Variants in SLC4A2 observed in about 807,000 individuals in gnomAD.
SLC4A2 encodes solute carrier family 4 member 2, also known as anion exchange protein 2.
A neutral mutation model predicts 115.0 loss-of-function variants in SLC4A2; 36 were observed. That is an observed-to-expected ratio of 0.31 (90% CI 0.24 to 0.41). The LOEUF (loss-of-function observed/expected upper bound fraction) is 0.41. Ranked by LOEUF, SLC4A2 falls within the 10% of genes least tolerant of loss-of-function variation. The pLI is 1.00. For synonymous variants in SLC4A2, 708 were observed against 708.3 expected (o/e 1.00, Z 0.01); for missense variants, 1,252 against 1,705.6 (o/e 0.73, Z 4.68).
chr7:151,070,416 GGAGGGGCCTGGCTGGGCTGAGCCCT>G lies in SLC4A2; in HGVS notation c.1450-39_1450-15del, dbSNP rs1466346162. 1 of 1,611,670 alleles carries G rather than the reference GGAGGGGCCTGGCTGGGCTGAGCCCT, an allele frequency of 6.2e-7. No individual in the cohort carries two copies. Among genetic ancestry groups the G allele is most frequent in the Admixed American group, 1.7e-5 (1 of 59,772 alleles). On this transcript the variant is annotated splice_polypyrimidine_tract_variant and intron_variant, in intron 10 of 22. Transcript: ENST00000413384. ...GAAGCCTGGGTGTGGACTCAGAGTGGGAGGGGCCTGGCTGGGCTGAGCCCTGTCTGTGTCCCCCAGCGTGAGCTGC... is the reference window on the plus strand; with the variant it reads ...GAAGCCTGGGTGTGGACTCAGAGTGGGTCTGTGTCCCCCAGCGTGAGCTGC...
Position 151,069,085 on chromosome 7 carries a change from G to A in SLC4A2, c.1148-862G>A, listed in dbSNP as rs574498625. 1.5e-4 allele frequency among the ~76,000 whole-genome samples: 20 copies of A among 134,326 alleles called. No homozygotes were observed. In the South Asian group the frequency reaches 4.5e-3, roughly 30 times the overall value. 88.1% of individuals were successfully genotyped at this position (134,326 alleles called of 152,430 possible). A position where few individuals can be genotyped will look rare whatever the true frequency, so the allele number is the denominator to read the frequency against. On this transcript the variant is annotated intron_variant, in intron 8 of 22. Transcript: ENST00000413384. ...ACCTGGGAGGTAGAGCTTGCAGTGA[G>A]CCAAGATCATGCCATTGCGCTCCAG...
At chr7:151,062,772 AG>A in intron 2 of SLC4A2, 1 of 1,366,752 alleles carries the variant, frequency 7.3e-7, no homozygotes, top group Non-Finnish European at 9.4e-7. Context: ...CTGGGCGCTT[AG>A]GGGAGCCAGG....
intron 2 of SLC4A2, chr7:151,063,176 GCA>G: frequency 7.1e-7 from 1 of 1,405,206 alleles, no homozygotes; most frequent in Non-Finnish European, 9.4e-7. Context: ...CTCCGCGCCC[GCA>G]GGATGACTCA....
intron 16 of SLC4A2, 42 bp from the exon 17 acceptor site, chr7:151,073,997 T>C: frequency 6.6e-7 from 1 of 1,521,022 alleles, no homozygotes; most frequent in Non-Finnish European, 8.8e-7. Flanking sequence ...GAATCTTTTC[T>C]GCAGTCCAGC....
Position 151,071,865 on chromosome 7 carries a change from C to A in SLC4A2, c.2340+28C>A, listed in dbSNP as rs1797452440. 1 of 1,600,638 alleles carries A rather than the reference C, an allele frequency of 6.2e-7. No homozygotes were observed. Among genetic ancestry groups the A allele is most frequent in the Non-Finnish European group, 8.5e-7 (1 of 1,172,390 alleles). Reference sequence around the variant, plus strand: ...GAGGGCTCTTCTCGCCCATCTCCAGCCGCCCCTCCCGTGCCCTAGACACCT... The same window carrying A: ...GAGGGCTCTTCTCGCCCATCTCCAGACGCCCCTCCCGTGCCCTAGACACCT... On this transcript the variant is annotated intron_variant, in intron 15 of 22. Coordinates refer to ENST00000413384, the MANE Select transcript of SLC4A2 (RefSeq NM_003040.4). This position sits in a 1 kb window ranked among gnomAD's most constrained non-coding sequence, Gnocchi z 5.5.
In SLC4A2 at chr7:151,074,251, C is replaced by T. The variant is rs1444025206; in HGVS notation, c.2748C>T (p.Phe916=). Residue 916 remains phenylalanine (F), a synonymous_variant, in exon 17 of 23, where the codon TTC becomes TTT. Transcript: ENST00000413384. The part of the protein sequence containing the change: ...VLMAGTFFIA[F]FLRKFKNSRF... Reference sequence around the variant, plus strand: ...TGGCCGGCACCTTCTTCATCGCCTTCTTCCTGCGCAAATTCAAGAACAGCC... The same window carrying T: ...TGGCCGGCACCTTCTTCATCGCCTTTTTCCTGCGCAAATTCAAGAACAGCC... The T allele has an allele frequency of 3.7e-6, 6 of 1,612,106 alleles. No homozygotes were observed. Among genetic ancestry groups the T allele is most frequent in the African/African-American group, 2.7e-5 (2 of 74,948 alleles).
chr7:151,071,347 G>A lies in SLC4A2; in HGVS notation c.1976-43G>A, dbSNP rs762474030. The A allele has an allele frequency of 1.3e-6, 2 of 1,549,918 alleles. No homozygotes were observed. Among genetic ancestry groups the A allele is most frequent in the Admixed American group, 1.9e-5 (1 of 52,864 alleles). On this transcript the variant is annotated intron_variant, in intron 13 of 22. Transcript: ENST00000413384. This position sits in a 1 kb window ranked among gnomAD's most constrained non-coding sequence, Gnocchi z 5.5. ...AGGGCTGCCTCGAGGGGGTGAGGTG[G>A]GCAAGAGGGGCTGGGGCGCCCTGAC...
At chr7:151,073,769 T>A (rs757765297) in intron 16 of SLC4A2, among the ~76,000 whole-genome samples, 2 of 152,166 alleles carry the variant, frequency 1.3e-5, no homozygotes, top group Non-Finnish European at 2.9e-5. Context: ...TCATGTCCTC[T>A]TCCTTTAGGC....
In SLC4A2 at chr7:151,064,786, C is replaced by T. The variant is rs1055540756; in HGVS notation, c.459+19C>T. 1.2e-6 allele frequency: 2 copies of T among 1,608,306 alleles called. No individual in the cohort carries two copies. Among genetic ancestry groups the T allele is most frequent in the African/African-American group, 1.3e-5 (1 of 74,814 alleles). ...GGTGCAGGTGCGCTGGGTGCGGGCT[C>T]CTAGGGCATGTCGGCAGGGCCCTGG... On this transcript the variant is annotated intron_variant, in intron 4 of 22. Transcript: ENST00000413384.
Position 151,064,693 on chromosome 7 carries a change from G to C in SLC4A2, c.385G>C (p.Asp129His). Residue 129 changes from aspartate to histidine, a missense_variant, in exon 4 of 23, where the codon GAT (aspartate) becomes CAT (histidine). By Grantham distance (81) the Asp-to-His change is moderately conservative. Around this residue, in one of 14 missense-constraint regions of SLC4A2, gnomAD observed 215 missense variants for 205.2 expected, o/e 1.05. Coordinates refer to ENST00000413384, the MANE Select transcript of SLC4A2 (RefSeq NM_003040.4). ...PTIEEGEEDE[D>H]EASEAEGARA... ...CATTGAGGAGGGGGAGGAAGATGAG[G>C]ATGAGGCCAGCGAGGCTGAGGGGGC... 5 of 1,613,752 alleles carry C rather than the reference G, an allele frequency of 3.1e-6. No individual in the cohort carries two copies. Among genetic ancestry groups the C allele is most frequent in the African/African-American group, 1.3e-5 (1 of 75,042 alleles).
At chr7:151,064,174 T>TAA (rs1797147735) in intron 2 of SLC4A2, 28 bp from the exon 3 acceptor site, 1 of 1,607,386 alleles carries the variant, frequency 6.2e-7, no homozygotes, top group African/African-American at 1.3e-5. Flanking sequence ...GAGCCCTGTG[T>TAA]GTTTTCTCTC....
rs1797395901 is a variant in SLC4A2 at position 151,070,471 on chromosome 7, T to A, written c.1464T>A (p.Pro488=). The part of the protein sequence containing the change: ...LEVERERELP[P]PAPPAGITRS... ...GTGTCCCCCAGCGTGAGCTGCCGCC[T>A]CCAGCACCACCAGCTGGCATCACCC... Residue 488 remains proline, a synonymous_variant, in exon 11 of 23, where the codon CCT becomes CCA. Coordinates refer to ENST00000413384, the MANE Select transcript of SLC4A2 (RefSeq NM_003040.4). 6.2e-7 allele frequency: 1 copy of A among 1,612,904 alleles called. No individual in the cohort carries two copies. The highest frequency in any genetic ancestry group is 8.5e-7 in the Non-Finnish European group (1 of 1,179,548).
Position 151,070,483 on chromosome 7 carries a change from A to G in SLC4A2, c.1476A>G (p.Pro492=). The change falls in exon 11 of 23, where the codon CCA becomes CCG. Residue 492 remains proline (P), a synonymous_variant. Coordinates refer to ENST00000413384, the MANE Select transcript of SLC4A2 (RefSeq NM_003040.4). ...RERELPPPAP[P]AGITRSKSKH... is the part of the protein sequence containing the mutation. ...GTGAGCTGCCGCCTCCAGCACCACC[A>G]GCTGGCATCACCCGCTCCAAGTCCA... 6.2e-7 allele frequency: 1 copy of G among 1,613,428 alleles called. No individual in the cohort carries two copies. Among genetic ancestry groups the G allele is most frequent in the South Asian group, 1.1e-5 (1 of 91,040 alleles).
chr7:151,062,460 T>G, intron 2 of SLC4A2: 43 of 393,810 alleles, frequency 1.1e-4, no homozygotes, highest in Non-Finnish European at 1.5e-4. Flanking sequence ...CGCCCCTCCC[T>G]GCCCCCACGT....
Position 151,062,118 on chromosome 7 carries a change from A to T in SLC4A2, c.51+80A>T, listed in dbSNP as rs187418808. ...GTGCTCCGGCCAAGGGTCCTCGCCA[A>T]CCAGGGGTGTGAGCGTGTGTGAGTG... On this transcript the variant is annotated intron_variant, in intron 2 of 22. Coordinates refer to ENST00000413384, the MANE Select transcript of SLC4A2 (RefSeq NM_003040.4). 1.1e-3 allele frequency: 1,312 copies of T among 1,157,070 alleles called. 28 individuals carry two copies. In the East Asian group the frequency reaches 0.026, roughly 23 times the overall value. 71.7% of individuals were successfully genotyped at this position (1,157,070 alleles called of 1,614,324 possible).
At position 151,070,752 on chromosome 7, in the gene SLC4A2, C is replaced by T. The variant is rs765377559; in HGVS notation, c.1590C>T (p.Pro530=). The change falls in exon 12 of 23, where the codon CCC becomes CCT. Residue 530 remains proline, a synonymous_variant. Coordinates refer to ENST00000413384, the MANE Select transcript of SLC4A2 (RefSeq NM_003040.4). ...LVGCVEFLSR[P]TMAFVRLREA... ...GCTGCGTGGAGTTCCTCTCCCGCCC[C>T]ACCATGGCCTTTGTGCGGCTCCGGG... 1.2e-6 allele frequency: 2 copies of T among 1,613,858 alleles called. No homozygotes were observed. Among genetic ancestry groups the T allele is most frequent in the Non-Finnish European group, 1.7e-6 (2 of 1,179,994 alleles).
intron 1 of SLC4A2, chr7:151,061,570 T>C: frequency 5.4e-6 from 1 of 186,132 alleles, no homozygotes. Flanking sequence ...GGGCCTTCAC[T>C]CCCCTCTTTC....
intron 16 of SLC4A2, among the ~76,000 whole-genome samples, chr7:151,072,986 A>T (rs1584997393): frequency 6.6e-6 from 1 of 152,220 alleles, no homozygotes; most frequent in East Asian, 1.9e-4. Context: ...TTTATTTTTT[A>T]AAAACTTCTA....
In SLC4A2 at chr7:151,071,259, C is replaced by T. The variant is rs1366140983; in HGVS notation, c.1937C>T (p.Thr646Ile). Reference sequence around the variant, plus strand: ...GAGGAGCAGGGCCGGCTGCTACCTACAGGGGCTGGGCTGGAGCCCAAATCT... The same window carrying T: ...GAGGAGCAGGGCCGGCTGCTACCTATAGGGGCTGGGCTGGAGCCCAAATCT... Reference protein sequence around the residue: ...KREEQGRLLPTGAGLEPKSAQ... With the variant: ...KREEQGRLLPIGAGLEPKSAQ... The change falls in exon 13 of 23, where the codon ACA becomes ATA. Residue 646 changes from threonine to isoleucine, a missense_variant. Coordinates refer to ENST00000413384, the MANE Select transcript of SLC4A2 (RefSeq NM_003040.4). This position sits in a 1 kb window ranked among gnomAD's most constrained non-coding sequence, Gnocchi z 5.5. 4.5e-6 allele frequency: 7 copies of T among 1,565,346 alleles called. No homozygotes were observed. Among genetic ancestry groups the T allele is most frequent in the Non-Finnish European group, 5.2e-6 (6 of 1,156,052 alleles).
Sources: allele counts gnomAD v4.1 joint callset (sites outside exome capture counted in the v4.1 genomes callset), GRCh38; gene constraint gnomAD v4.1.1; regional missense constraint gnomAD v4.1.1; non-coding constraint Gnocchi (gnomAD v3.1); transcripts MANE v1.5; gene names NCBI Gene and HGNC (gene_info 2026-07-23, HGNC 2026-07-21).